Variants in LEPR observed in about 807,000 individuals in gnomAD.
LEPR encodes the protein OB receptor.
LEPR carries 56 observed loss-of-function variants against 114.7 expected under a neutral mutation model. That is an observed-to-expected ratio of 0.49 (90% CI 0.39 to 0.61). The LOEUF (loss-of-function observed/expected upper bound fraction) is 0.61. LEPR is among the 20% of genes least tolerant of loss of function. The pLI, the probability that LEPR is intolerant of heterozygous loss-of-function variation, is 0.00. For missense variants in LEPR, 1,202 were observed against 1,352.9 expected, an observed-to-expected ratio of 0.89 and a Z score of 1.75; for synonymous variants, 443 against 461.4, an observed-to-expected ratio of 0.96 and a Z score of 0.51.
chr1:65,637,008 C>T lies in LEPR; in HGVS notation c.3491C>T (p.Thr1164Ile). 1.2e-6 allele frequency: 2 copies of T among 1,613,272 alleles called. No individual in the cohort carries two copies. Among genetic ancestry groups the T allele is most frequent in the Non-Finnish European group, 1.7e-6 (2 of 1,179,864 alleles). Residue 1164 changes from threonine to isoleucine, a missense_variant, in exon 20 of 20, where the codon ACT (threonine) becomes ATT (isoleucine). Thr to Ile is a moderately conservative substitution (Grantham distance 89). Coordinates refer to ENST00000349533, the MANE Select transcript of LEPR (RefSeq NM_002303.6). ...ATGGAAAACAAGATGTGTGACCTAA[C>T]TGTGTAATTTCACTGAAGAAACCTT... ...KIMENKMCDL[T>I]V
At chr1:65,457,601 G>A (rs561514874) in intron 2 of LEPR, among the ~76,000 whole-genome samples, 1 of 152,194 alleles carries the variant, frequency 6.6e-6, no homozygotes, top group African/African-American at 2.4e-5. Context: ...GGGCTTTTAT[G>A]GTATTTATCA....
chr1:65,494,290 A>G (rs1288959176), intron 2 of LEPR: 1 of 152,164 alleles, frequency 6.6e-6, no homozygotes, highest in Admixed American at 6.6e-5. Context: ...AAATAGGCCT[A>G]TATACTTACA....
chr1:65,473,065 T>C (rs1647108490), intron 2 of LEPR, among the ~76,000 whole-genome samples: 1 of 152,210 alleles, frequency 6.6e-6, no homozygotes, highest in Non-Finnish European at 1.5e-5. Flanking sequence ...AATACTGAGG[T>C]AAAGTCCATT....
At chr1:65,442,364 C>T (rs1369410443) in intron 2 of LEPR, among the ~76,000 whole-genome samples, 2 of 152,114 alleles carry the variant, frequency 1.3e-5, no homozygotes, top group African/African-American at 2.4e-5. Flanking sequence ...GACCTATGAC[C>T]CCTCCCCTAC....
chr1:65,592,789 C>T lies in LEPR; in HGVS notation c.627C>T (p.Leu209=), dbSNP rs751906865. 6.2e-7 allele frequency: 1 copy of T among 1,613,330 alleles called. No individual in the cohort carries two copies. The highest frequency in any genetic ancestry group is 8.5e-7 in the Non-Finnish European group (1 of 1,179,498). The change falls in exon 6 of 20, where the codon CTC becomes CTT. Residue 209 remains leucine (L), a synonymous_variant. Coordinates refer to ENST00000349533, the MANE Select transcript of LEPR (RefSeq NM_002303.6). ...CAACAGCCAAACTCAACGACACTCT[C>T]CTTATGTGTTTGAAAATCACATCTG... The part of the protein sequence containing the change: ...PVPTAKLNDT[L]LMCLKITSGG...
At chr1:65,469,902 A>G (rs933818080) in intron 2 of LEPR, among the ~76,000 whole-genome samples, 3 of 152,204 alleles carry the variant, frequency 2.0e-5, no homozygotes, top group Non-Finnish European at 2.9e-5. Flanking sequence ...AAAATGGAGA[A>G]AGCCAGGCCT....
At chr1:65,556,356 G>A (rs760130382) in intron 2 of LEPR, among the ~76,000 whole-genome samples, 1 of 152,152 alleles carries the variant, frequency 6.6e-6, no homozygotes, top group African/African-American at 2.4e-5. Flanking sequence ...ATGTTAGGCA[G>A]TATTATCTCA....
chr1:65,587,607 A>G (rs1655397457), intron 5 of LEPR, among the ~76,000 whole-genome samples: 1 of 152,052 alleles, frequency 6.6e-6, no homozygotes, highest in Non-Finnish European at 1.5e-5. Context: ...CCTATGGCTA[A>G]TAAGCAAACA....
chr1:65,473,933 T>C (rs981551297), intron 2 of LEPR, among the ~76,000 whole-genome samples: 44 of 152,232 alleles, frequency 2.9e-4, no homozygotes, highest in African/African-American at 1.0e-3. Flanking sequence ...TAGCCAGTAG[T>C]TTCAGCCAGG....
At chr1:65,634,496 G>T in intron 19 of LEPR, 1 of 945,220 alleles carries the variant, frequency 1.1e-6, no homozygotes, top group Non-Finnish European at 1.3e-6. Context: ...TTTTAATAAA[G>T]TTTTATAACT....
chr1:65,496,937 G>C (rs904039186), intron 2 of LEPR, among the ~76,000 whole-genome samples: 27 of 151,842 alleles, frequency 1.8e-4, no homozygotes, highest in Non-Finnish European at 3.2e-4. Flanking sequence ...ATCTCCAGGT[G>C]ATTCATGTGC....
At chr1:65,587,982 C>T (rs1335561275) in intron 5 of LEPR, among the ~76,000 whole-genome samples, 1 of 151,984 alleles carries the variant, frequency 6.6e-6, no homozygotes, top group Non-Finnish European at 1.5e-5. Flanking sequence ...TGCAAGATTT[C>T]TGAAGGCAGT....
chr1:65,564,816 C>T (rs532434351), intron 2 of LEPR, among the ~76,000 whole-genome samples: 11 of 152,266 alleles, frequency 7.2e-5, no homozygotes, highest in Non-Finnish European at 1.0e-4. Flanking sequence ...GGTAGGTTTT[C>T]ATCCAAAGTC....
chr1:65,627,170 T>C (rs1226244928), intron 19 of LEPR, among the ~76,000 whole-genome samples: 1 of 152,226 alleles, frequency 6.6e-6, no homozygotes, highest in African/African-American at 2.4e-5. Context: ...TCCAGATCTA[T>C]CTGACTCAAA....
At chr1:65,625,490 C>T (rs538871391) in intron 19 of LEPR, among the ~76,000 whole-genome samples, 26 of 151,202 alleles carry the variant, frequency 1.7e-4, no homozygotes, top group African/African-American at 6.1e-4. Flanking sequence ...AATAGCATTA[C>T]TTTTTTTTTG....
intron 15 of LEPR, among the ~76,000 whole-genome samples, chr1:65,616,776 C>G (rs1419095540): frequency 6.6e-6 from 1 of 152,038 alleles, no homozygotes; most frequent in Non-Finnish European, 1.5e-5. Flanking sequence ...TTGAGACCCA[C>G]TTTCAATAGG....
At chr1:65,483,201 G>A (rs1023345419) in intron 2 of LEPR, among the ~76,000 whole-genome samples, 1 of 151,896 alleles carries the variant, frequency 6.6e-6, no homozygotes, top group African/African-American at 2.4e-5. Flanking sequence ...GTGTGTGTGC[G>A]TGTGTGTATC....
intron 2 of LEPR, among the ~76,000 whole-genome samples, chr1:65,438,482 G>A (rs1264774998): frequency 6.6e-6 from 1 of 150,760 alleles, no homozygotes; most frequent in Non-Finnish European, 1.5e-5. Flanking sequence ...CCTGGTAGGC[G>A]GAGGTTGCAG....
intron 2 of LEPR, among the ~76,000 whole-genome samples, chr1:65,513,944 C>T (rs1269961063): frequency 6.6e-6 from 1 of 152,108 alleles, no homozygotes; most frequent in Non-Finnish European, 1.5e-5. Flanking sequence ...TTTTCTTACA[C>T]TGTGTTGCTC....
Sources: allele counts gnomAD v4.1 joint callset (sites outside exome capture counted in the v4.1 genomes callset), GRCh38; gene constraint gnomAD v4.1.1; transcripts MANE v1.5; gene names NCBI Gene and HGNC (gene_info 2026-07-23, HGNC 2026-07-21).